FAT4: variants seen among roughly 807,000 people sequenced by gnomAD.
FAT4 encodes the protein protocadherin Fat 4.
FAT4 carries 84 observed loss-of-function variants against 303.9 expected under a neutral mutation model. The ratio of observed to expected loss-of-function variants is 0.28; its 90% CI spans 0.23 to 0.33. FAT4 has a LOEUF of 0.33. FAT4 is among the 10% of genes least tolerant of loss of function. FAT4 has a pLI of 1.00. For synonymous variants in FAT4, 2,307 were observed against 2,298.8 expected (o/e 1.00, Z -0.10); for missense variants, 6,005 against 6,146.8 (o/e 0.98, Z 0.77).
At position 125,344,355 on chromosome 4, in the gene FAT4, A is replaced by G. The variant is rs139461114; in HGVS notation, c.5175+22769A>G. Reference sequence around the variant, plus strand: ...TAAACAGCATGAACATAGTTAGTCTAGGAGGCCTGGTGTTATTTTAATTCA... The same window carrying G: ...TAAACAGCATGAACATAGTTAGTCTGGGAGGCCTGGTGTTATTTTAATTCA... On this transcript the variant is annotated intron_variant, in intron 2 of 17. Transcript: ENST00000394329. 2.6e-5 allele frequency among the ~76,000 whole-genome samples: 4 copies of G among 152,262 alleles called. No individual in the cohort carries two copies. In the East Asian group the frequency reaches 7.7e-4, roughly 29 times the overall value.
chr4:125,456,331 A>C (rs892883298), intron 10 of FAT4, among the ~76,000 whole-genome samples: 4 of 152,194 alleles, frequency 2.6e-5, no homozygotes, highest in Non-Finnish European at 4.4e-5. Context: ...AGGTTGTTTG[A>C]AGTTATACAT....
At chr4:125,385,047 G>A (rs1193807996) in intron 2 of FAT4, among the ~76,000 whole-genome samples, 4 of 132,624 alleles carry the variant, frequency 3.0e-5, no homozygotes, top group South Asian at 2.3e-4. Context: ...TTGAGATGGA[G>A]TGTTGCTCTT....
chr4:125,434,530 A>C, intron 8 of FAT4, 105 bp downstream of exon 8: 1 of 949,140 alleles, frequency 1.1e-6, no homozygotes, highest in South Asian at 1.6e-5. Flanking sequence ...ATATTAACAC[A>C]TATCCTCTTC....
chr4:125,398,490 T>C (rs1276673217), intron 2 of FAT4, among the ~76,000 whole-genome samples: 1 of 152,156 alleles, frequency 6.6e-6, no homozygotes, highest in Non-Finnish European at 1.5e-5. Context: ...GATGTGCAAA[T>C]CTGGGGATTA....
At position 125,473,572 on chromosome 4, in the gene FAT4, A is replaced by G. The variant is rs1726931252; in HGVS notation, c.12214-2599A>G. Among the ~76,000 whole-genome samples, 4 of 152,100 alleles carry G rather than the reference A, an allele frequency of 2.6e-5. No individual in the cohort carries two copies. The South Asian group carries it at 8.3e-4, about 31-fold the overall frequency. On this transcript the variant is annotated intron_variant, in intron 12 of 17. Coordinates refer to ENST00000394329, the MANE Select transcript of FAT4 (RefSeq NM_001291303.3). The stretch of plus-strand genomic sequence containing the variant: ...TATATAGATTGGGCTCACATTAGCC[A>G]TAATAATATCCTAAAACTGATGAGT...
Position 125,492,003 on chromosome 4 carries a change from A to G in FAT4, c.*235A>G. On this transcript the variant is annotated 3_prime_UTR_variant, in exon 18 of 18. Coordinates refer to ENST00000394329, the MANE Select transcript of FAT4 (RefSeq NM_001291303.3). ...CATGCATTGTGTTTTGTAACTAGTTATGTGGCATGCAGCATTTGGAAAATT... is the reference window on the plus strand; with the variant it reads ...CATGCATTGTGTTTTGTAACTAGTTGTGTGGCATGCAGCATTTGGAAAATT... The G allele has an allele frequency of 2.0e-6, 1 of 491,368 alleles. No individual in the cohort carries two copies. The highest frequency in any genetic ancestry group is 3.5e-6 in the Non-Finnish European group (1 of 284,940). The allele number at this position is 491,368 out of a possible 1,614,324, so 30.4% of individuals were successfully genotyped here. A position where few individuals can be genotyped will look rare whatever the true frequency, so the allele number is the denominator to read the frequency against.
Position 125,468,531 on chromosome 4 carries a change from C to A in FAT4, c.11925C>A (p.Cys3975Ter). 6.4e-7 allele frequency: 1 copy of A among 1,559,770 alleles called. No homozygotes were observed. Among genetic ancestry groups the A allele is most frequent in the Non-Finnish European group, 8.7e-7 (1 of 1,146,094 alleles). ...CAACAGGTGTCTTTGGAAAACACTG[C>A]GAGTTGAACAGTTATGGATTTGAGG... ...HCPFGVFGKH[C>*]ELNSYGFEEL... Residue 3975 changes from cysteine (C) to a stop codon, truncating the protein, a stop_gained, in exon 12 of 18, where the codon TGC becomes TGA. Transcript: ENST00000394329. LOFTEE classifies it high-confidence loss of function.
intron 15 of FAT4, 77 bp downstream of exon 15, chr4:125,479,942 T>C (rs919217625): frequency 1.7e-6 from 2 of 1,162,070 alleles, no homozygotes; most frequent in African/African-American, 3.1e-5. Context: ...AAGTATGTAA[T>C]CAAATTAAAA....
At chr4:125,325,410 C>G (rs1483591255) in intron 2 of FAT4, among the ~76,000 whole-genome samples, 1 of 152,080 alleles carries the variant, frequency 6.6e-6, no homozygotes, top group Non-Finnish European at 1.5e-5. Flanking sequence ...TCAAATTTCA[C>G]TATTAGTAAC....
At chr4:125,366,846 A>G (rs193090094) in intron 2 of FAT4, among the ~76,000 whole-genome samples, 34 of 151,970 alleles carry the variant, frequency 2.2e-4, no homozygotes, top group African/African-American at 7.7e-4. Context: ...TTCTCTAATG[A>G]TCAGTGATAT....
At chr4:125,370,944 G>A (rs143821830) in intron 2 of FAT4, among the ~76,000 whole-genome samples, 9,389 of 152,040 alleles carry the variant, frequency 0.062, 283 homozygotes, top group Middle Eastern at 0.088. Flanking sequence ...TCAGGAGTTC[G>A]AAACCAGCCT....
chr4:125,482,362 A>G (rs1727258536), intron 16 of FAT4, among the ~76,000 whole-genome samples: 1 of 152,098 alleles, frequency 6.6e-6, no homozygotes, highest in Non-Finnish European at 1.5e-5. Context: ...TTAGGCTTTT[A>G]CATAATTTGT....
In FAT4 at chr4:125,468,546, T is replaced by C. The variant is rs1373153365; in HGVS notation, c.11940T>C (p.Tyr3980=). ...VFGKHCELNS[Y]GFEELSYMEF... ...GAAAACACTGCGAGTTGAACAGTTA[T>C]GGATTTGAGGAGTTATCATACATGG... is the stretch of plus-strand genomic sequence containing the variant. The change falls in exon 12 of 18, where the codon TAT becomes TAC. Residue 3980 remains tyrosine, a synonymous_variant. Coordinates refer to ENST00000394329, the MANE Select transcript of FAT4 (RefSeq NM_001291303.3). 2 of 1,610,130 alleles carry C rather than the reference T, an allele frequency of 1.2e-6. No individual in the cohort carries two copies. The highest frequency in any genetic ancestry group is 4.5e-5 in the East Asian group (2 of 44,822).
At chr4:125,453,037 T>C (rs144295183) in intron 10 of FAT4, among the ~76,000 whole-genome samples, 37 of 152,340 alleles carry the variant, frequency 2.4e-4, no homozygotes, top group African/African-American at 8.9e-4. Context: ...TTCCAGTTTC[T>C]ATAGGCAAGG....
chr4:125,400,743 A>G (rs1509297), intron 3 of FAT4, among the ~76,000 whole-genome samples: 150,408 of 152,150 alleles, frequency 0.99, 74,362 homozygotes, highest in East Asian at 1. Context: ...AACCTTGCAG[A>G]TGTTATCACT....
chr4:125,488,712 T>C (rs566567165), intron 17 of FAT4, among the ~76,000 whole-genome samples: 2 of 152,292 alleles, frequency 1.3e-5, no homozygotes, highest in South Asian at 4.1e-4. Context: ...GAAGCATCTT[T>C]GAGAAAATCC....
chr4:125,409,963 A>G (rs1289202135), intron 5 of FAT4, among the ~76,000 whole-genome samples: 2 of 152,136 alleles, frequency 1.3e-5, no homozygotes, highest in South Asian at 2.1e-4. Flanking sequence ...GAATTGCCTT[A>G]TTCTTATGAC....
intron 2 of FAT4, among the ~76,000 whole-genome samples, chr4:125,388,571 C>A (rs1248781515): frequency 1.3e-5 from 2 of 152,112 alleles, no homozygotes; most frequent in East Asian, 1.9e-4. Flanking sequence ...CCATAAGTTT[C>A]TTATGCAACC....
chr4:125,326,428 G>A (rs1423623766), intron 2 of FAT4, among the ~76,000 whole-genome samples: 1 of 151,956 alleles, frequency 6.6e-6, no homozygotes. Flanking sequence ...GCTATGTTTA[G>A]ACATAATGAT....
Sources: gnomAD v4.1 joint callset for allele counts (sites outside exome capture counted in the v4.1 genomes callset) on GRCh38, gnomAD v4.1.1 for gene constraint, MANE v1.5 for transcripts, NCBI Gene and HGNC (gene_info 2026-07-23, HGNC 2026-07-21) for gene names.